POM121: variants seen among roughly 807,000 people sequenced by gnomAD.
POM121 encodes POM121 transmembrane nucleoporin.
POM121 carries 32 observed loss-of-function variants against 81.3 expected under a neutral mutation model. The ratio of observed to expected loss-of-function variants is 0.39; its 90% confidence interval spans 0.30 to 0.53. The LOEUF is 0.53. POM121 is among the 20% of genes least tolerant of loss of function. The pLI, the probability that POM121 is intolerant of heterozygous loss-of-function variation, is 0.66. For synonymous variants in POM121, 514 were observed against 694.2 expected (o/e 0.74, Z 4.08); for missense variants, 1,138 against 1,614.6 (o/e 0.70, Z 5.06).
intron 5 of POM121, among the ~76,000 whole-genome samples, chr7:72,937,543 G>C (rs1796630496): frequency 6.6e-6 from 1 of 151,982 alleles, no homozygotes; most frequent in South Asian, 2.1e-4. Context: ...GAACTGTTCT[G>C]CTGCTTACCA....
chr7:72,880,366 T>C (rs1406034225), intron 1 of POM121, among the ~76,000 whole-genome samples: 19 of 152,166 alleles, frequency 1.2e-4, no homozygotes, highest in Admixed American at 2.0e-4. Flanking sequence ...TCACCGGCTT[T>C]GTGGGTAGAG....
chr7:72,891,776 A>G (rs1791320991), intron 3 of POM121, among the ~76,000 whole-genome samples: 9 of 152,208 alleles, frequency 5.9e-5, no homozygotes. Flanking sequence ...TTTTATGTTC[A>G]TTCTTTTTAT....
rs782293899 is a variant in POM121 at position 72,928,377 on chromosome 7, T to C, written c.1023-8T>C. ...TCATTTCATTGAGACTTTTTTGATT[T>C]GTCGCAGGCGCCATGATAGCAGTGG... is the stretch of plus-strand genomic sequence containing the variant. On this transcript the variant is annotated splice_region_variant and splice_polypyrimidine_tract_variant and intron_variant, in intron 3 of 12. Transcript: ENST00000434423. 6 of 1,614,232 alleles carry C rather than the reference T, an allele frequency of 3.7e-6. No individual in the cohort carries two copies. The East Asian group carries it at 1.3e-4, about 36-fold the overall frequency.
intron 4 of POM121, among the ~76,000 whole-genome samples, chr7:72,918,158 C>CTG (rs1554495397): frequency 2.0e-5 from 3 of 152,164 alleles, no homozygotes; most frequent in African/African-American, 7.2e-5. Flanking sequence ...GACAATTAGG[C>CTG]CTCCAGATAA....
chr7:72,923,837 A>G (rs1223877573), upstream of POM121, among the ~76,000 whole-genome samples: 6 of 151,444 alleles, frequency 4.0e-5, no homozygotes, highest in Non-Finnish European at 8.8e-5. Flanking sequence ...CTGACCTCAG[A>G]TGATCCGCCC....
chr7:72,898,872 A>G (rs1554492156), intron 3 of POM121, among the ~76,000 whole-genome samples: 3 of 149,926 alleles, frequency 2.0e-5, no homozygotes, highest in African/African-American at 7.4e-5. Flanking sequence ...GGGATGAGAT[A>G]CCTGGGAAGG....
intron 3 of POM121, among the ~76,000 whole-genome samples, chr7:72,891,453 C>T (rs1791289357): frequency 6.6e-6 from 1 of 152,190 alleles, no homozygotes. Flanking sequence ...GTCACCCAGG[C>T]TGGTGTGCAC....
Position 72,948,043 on chromosome 7 carries a change from T to C in POM121, c.*1809T>C. 4 of 1,228,768 alleles carry C rather than the reference T, an allele frequency of 3.3e-6. No homozygotes were observed. The highest frequency in any genetic ancestry group is 4.1e-6 in the Non-Finnish European group (4 of 975,702). The allele number at this position is 1,228,768 out of a possible 1,614,324, so 76.1% of individuals were successfully genotyped here. On this transcript the variant is annotated 3_prime_UTR_variant, in exon 13 of 13. Transcript: ENST00000434423. Reference sequence around the variant, plus strand: ...CAATCAAGCTTCTACCTGTACCTTATGTAAGGTAGACCCTCCTAGTGTCAG... The same window carrying C: ...CAATCAAGCTTCTACCTGTACCTTACGTAAGGTAGACCCTCCTAGTGTCAG...
Position 72,910,973 on chromosome 7 carries a change from G to A in POM121, c.-215-2792G>A, listed in dbSNP as rs371678213. 1.3e-4 allele frequency among the ~76,000 whole-genome samples: 20 copies of A among 152,188 alleles called. No homozygotes were observed. The South Asian group carries it at 1.7e-3, about 13-fold the overall frequency. On this transcript the variant is annotated intron_variant, in intron 3 of 15. Coordinates refer to the POM121 transcript ENST00000395270. ...ATTTGTTGGTTTGATTGATTGGATC[G>A]TTGCTTCATGTATTTATTTATTTGT...
chr7:72,938,665 C>A lies in POM121; in HGVS notation c.1351C>A (p.Pro451Thr), dbSNP rs1796758012. ...ASSRSQTPER[P>T]AKKIREEELC... ...CTCCCGCTCCCAGACACCGGAGAGG[C>A]CAGCAAAGAAAATAAGGTACTTGGC... Residue 451 changes from proline to threonine, a missense_variant, in exon 6 of 13, where the codon CCA becomes ACA. Transcript: ENST00000434423. 1 of 1,613,600 alleles carries A rather than the reference C, an allele frequency of 6.2e-7. No individual in the cohort carries two copies. The highest frequency in any genetic ancestry group is 8.5e-7 in the Non-Finnish European group (1 of 1,179,666).
rs1795680369 is a variant in POM121, at chr7:72,928,385, G to C, written c.1023G>C (p.Arg341Ser). The change falls in exon 4 of 13, where the codon AGG becomes AGC. Residue 341 changes from arginine (R) to serine (S), a missense_variant and splice_region_variant. Arg to Ser is a moderately radical substitution (Grantham distance 110). Around this residue, in one of 7 missense-constraint regions of POM121, gnomAD observed 646 missense variants for 633.5 expected, o/e 1.02. Transcript: ENST00000434423. ...IFLDGQENKR[R>S]RHDSSGSGHS... ...TTGAGACTTTTTTGATTTGTCGCAG[G>C]CGCCATGATAGCAGTGGCAGTGGAC... 6.2e-7 allele frequency: 1 copy of C among 1,614,088 alleles called. No individual in the cohort carries two copies. The highest frequency in any genetic ancestry group is 1.3e-5 in the African/African-American group (1 of 74,932).
downstream of POM121, chr7:72,948,952 C>T (rs781937290): frequency 1.2e-6 from 2 of 1,612,188 alleles, no homozygotes; most frequent in South Asian, 1.1e-5. Context: ...CTCCTCCTGG[C>T]AGAGGGAGCA....
rs1795513921 is a variant in POM121, at chr7:72,926,983, AC to A, written c.1022+21del. On this transcript the variant is annotated intron_variant, in intron 3 of 12. Coordinates refer to ENST00000434423, the MANE Select transcript of POM121 (RefSeq NM_001387691.1). ...AAGAAGGTAACAGGCTCAGGAGAGT[AC>A]TAAGCCGGTTTCGCGCTTGGACTCC... is the stretch of plus-strand genomic sequence containing the variant. The A allele has an allele frequency of 1.2e-6, 2 of 1,613,852 alleles. No homozygotes were observed. Among genetic ancestry groups the A allele is most frequent in the African/African-American group, 2.7e-5 (2 of 74,916 alleles).
chr7:72,882,570 C>T (rs1363253045), intron 1 of POM121, among the ~76,000 whole-genome samples: 1 of 152,138 alleles, frequency 6.6e-6, no homozygotes, highest in Non-Finnish European at 1.5e-5. Context: ...AGAGGGCCTG[C>T]TGCCCAAGGA....
downstream of POM121, chr7:72,948,888 G>A: frequency 1.9e-6 from 3 of 1,610,784 alleles, no homozygotes; most frequent in Admixed American, 3.3e-5. Context: ...CGCACGCCCT[G>A]TACCTGAAGG....
downstream of POM121, chr7:72,948,465 G>A (rs1554503843): frequency 3.1e-6 from 5 of 1,613,380 alleles, no homozygotes; most frequent in African/African-American, 1.3e-5. Context: ...CACCAGGAAG[G>A]AGTGAGCCCG....
upstream of POM121, among the ~76,000 whole-genome samples, chr7:72,923,525 C>T (rs1795025324): frequency 6.6e-6 from 1 of 151,648 alleles, no homozygotes; most frequent in Admixed American, 6.6e-5. Flanking sequence ...CAGGTTCAAG[C>T]AATTCTCCTG....
At chr7:72,934,331 C>T (rs566925785) in intron 5 of POM121, among the ~76,000 whole-genome samples, 7 of 152,238 alleles carry the variant, frequency 4.6e-5, no homozygotes, top group South Asian at 2.1e-4. Flanking sequence ...GTGATCCGTC[C>T]GCCTTGGCCT....
chr7:72,882,119 C>G (rs1389225406), intron 1 of POM121, among the ~76,000 whole-genome samples: 46 of 152,226 alleles, frequency 3.0e-4, no homozygotes, highest in African/African-American at 1.1e-3. Context: ...AAAATGCCAT[C>G]TGTATTAGTC....
Sources: allele counts gnomAD v4.1 joint callset (sites outside exome capture counted in the v4.1 genomes callset), GRCh38; gene constraint gnomAD v4.1.1; regional missense constraint gnomAD v4.1.1; transcripts MANE v1.5; gene names NCBI Gene and HGNC (gene_info 2026-07-23, HGNC 2026-07-21).